The following SHISA6 variants were observed in gnomAD, a reference collection of about 807,000 sequenced individuals.
SHISA6 encodes the protein protein shisa-6.
Under a neutral mutation model 47.9 loss-of-function variants are expected in SHISA6, and 22 were observed. The observed-to-expected ratio is 0.46, with a 90% CI of 0.33 to 0.66. The LOEUF (loss-of-function observed/expected upper bound fraction) is 0.66, where lower values mean the gene tolerates loss of function less well. Among genes scored for constraint, SHISA6 ranks in the 30% least tolerant of loss-of-function variants. SHISA6 has a pLI of 0.02. For synonymous variants in SHISA6, 388 were observed against 337.8 expected (o/e 1.15, Z -1.63); for missense variants, 680 against 764.6 (o/e 0.89, Z 1.30).
chr17:11,382,835 T>C (rs1225576108), intron 3 of SHISA6, among the ~76,000 whole-genome samples: 1 of 151,824 alleles, frequency 6.6e-6, no homozygotes, highest in Non-Finnish European at 1.5e-5. Context: ...CTAATCAGAC[T>C]CTGATTGTCC....
chr17:11,496,333 C>A (rs1415682744), intron 3 of SHISA6, among the ~76,000 whole-genome samples: 1 of 152,212 alleles, frequency 6.6e-6, no homozygotes, highest in East Asian at 1.9e-4. Flanking sequence ...CCAAGTGCTG[C>A]CATCTTGATT....
intron 2 of SHISA6, among the ~76,000 whole-genome samples, chr17:11,322,828 C>T (rs1235609407): frequency 2.0e-5 from 3 of 152,152 alleles, no homozygotes; most frequent in Non-Finnish European, 4.4e-5. Flanking sequence ...TGTGGAACTA[C>T]ATCCATTCTT....
rs938657791 is a variant in SHISA6 at position 11,470,208 on chromosome 17, T to C, written c.896-81688T>C. On this transcript the variant is annotated intron_variant, in intron 3 of 5. Coordinates refer to ENST00000441885, the MANE Select transcript of SHISA6 (RefSeq NM_207386.4). ...TCTGTGGTAGTTTATTAGAAGACTG[T>C]AGCCGACTAGTCACTCATCCCAGGT... is the stretch of plus-strand genomic sequence containing the variant. 3.3e-5 allele frequency among the ~76,000 whole-genome samples: 5 copies of C among 152,210 alleles called. No homozygotes were observed. In the South Asian group the frequency reaches 1.0e-3, roughly 32 times the overall value.
intron 2 of SHISA6, among the ~76,000 whole-genome samples, chr17:11,362,933 A>C (rs2142231078): frequency 6.6e-6 from 1 of 152,264 alleles, no homozygotes; most frequent in Non-Finnish European, 1.5e-5. Flanking sequence ...CTGAACCTTA[A>C]ACTCCTTGTC....
intron 2 of SHISA6, among the ~76,000 whole-genome samples, chr17:11,294,679 G>A (rs1025823663): frequency 5.3e-5 from 8 of 151,936 alleles, no homozygotes; most frequent in Non-Finnish European, 8.8e-5. Context: ...GGCTATGTAC[G>A]TTCCAAGACC....
intron 3 of SHISA6, among the ~76,000 whole-genome samples, chr17:11,384,165 T>G (rs1047338608): frequency 1.3e-5 from 2 of 152,178 alleles, no homozygotes; most frequent in African/African-American, 4.8e-5. Context: ...AAGCAGTCAG[T>G]CTTGTTTTAT....
At chr17:11,429,399 G>C (rs1171391923) in intron 3 of SHISA6, among the ~76,000 whole-genome samples, 2 of 152,108 alleles carry the variant, frequency 1.3e-5, no homozygotes, top group Admixed American at 1.3e-4. Context: ...GTTAATGTTG[G>C]GGGAGGGAAC....
intron 3 of SHISA6, among the ~76,000 whole-genome samples, chr17:11,465,793 A>C (rs867886011): frequency 6.6e-6 from 1 of 152,318 alleles, no homozygotes; most frequent in African/African-American, 2.4e-5. Context: ...TGAGAAGGAC[A>C]CATGGTTTGC....
chr17:11,299,850 A>T (rs915435962), intron 2 of SHISA6, among the ~76,000 whole-genome samples: 2 of 152,152 alleles, frequency 1.3e-5, no homozygotes, highest in Admixed American at 1.3e-4. Flanking sequence ...TTGCCATGAA[A>T]AGCAACACCT....
At chr17:11,446,139 G>A (rs977860075) in intron 3 of SHISA6, among the ~76,000 whole-genome samples, 1 of 152,152 alleles carries the variant, frequency 6.6e-6, no homozygotes, top group Non-Finnish European at 1.5e-5. Context: ...TAAAGGCAAT[G>A]ATGTGTGGGT....
intron 3 of SHISA6, among the ~76,000 whole-genome samples, chr17:11,497,319 G>A (rs1182895797): frequency 2.6e-5 from 4 of 152,174 alleles, no homozygotes; most frequent in African/African-American, 4.8e-5. Context: ...ACCTGGGGGA[G>A]GGAAGGGAAG....
chr17:11,479,213 G>A (rs1359675847), intron 3 of SHISA6, among the ~76,000 whole-genome samples: 2 of 151,886 alleles, frequency 1.3e-5, no homozygotes, highest in African/African-American at 4.8e-5. Flanking sequence ...ACTCCAGCCT[G>A]GGTGACAGAG....
intron 1 of SHISA6, among the ~76,000 whole-genome samples, chr17:11,243,077 TG>T (rs1311249962): frequency 6.6e-6 from 1 of 151,870 alleles, no homozygotes; most frequent in Non-Finnish European, 1.5e-5. Context: ...TTGCATGGTG[TG>T]GGCACTGCCC....
chr17:11,285,823 GTCTC>G (rs1210060287), intron 2 of SHISA6, among the ~76,000 whole-genome samples: 1 of 150,622 alleles, frequency 6.6e-6, no homozygotes, highest in Non-Finnish European at 1.5e-5. Context: ...GTGGCTCTGT[GTCTC>G]TCTCTCTCTC....
At chr17:11,493,585 A>G (rs201194565) in intron 3 of SHISA6, among the ~76,000 whole-genome samples, 75,758 of 151,460 alleles carry the variant, frequency 0.5, 19,204 homozygotes, top group East Asian at 0.55. Context: ...GCGCGCGCAC[A>G]CACACACACA....
intron 2 of SHISA6, among the ~76,000 whole-genome samples, chr17:11,286,633 T>C (rs1909309842): frequency 6.6e-6 from 1 of 152,210 alleles, no homozygotes; most frequent in Admixed American, 6.5e-5. Context: ...AAAGATTTTC[T>C]CACATGGGAG....
At chr17:11,452,878 C>A (rs911859245) in intron 3 of SHISA6, among the ~76,000 whole-genome samples, 3 of 151,282 alleles carry the variant, frequency 2.0e-5, no homozygotes, top group African/African-American at 7.3e-5. Context: ...TCTCTGAGTT[C>A]CCTTTCTCCT....
intron 3 of SHISA6, among the ~76,000 whole-genome samples, chr17:11,478,818 C>CT (rs1916140016): frequency 7.3e-6 from 1 of 136,212 alleles, no homozygotes; most frequent in Non-Finnish European, 1.6e-5. Flanking sequence ...GTTTTGGTTA[C>CT]TGTAGCCTTG....
intron 3 of SHISA6, among the ~76,000 whole-genome samples, chr17:11,476,786 G>A (rs1323573205): frequency 1.3e-5 from 2 of 152,028 alleles, no homozygotes; most frequent in African/African-American, 4.8e-5. Flanking sequence ...TTAATTGATG[G>A]TGTTATTGAG....
Sources: allele counts gnomAD v4.1 joint callset (sites outside exome capture counted in the v4.1 genomes callset), GRCh38; gene constraint gnomAD v4.1.1; transcripts MANE v1.5; gene names NCBI Gene and HGNC (gene_info 2026-07-23, HGNC 2026-07-21).